MMP12: variants seen among roughly 807,000 people sequenced by gnomAD.
MMP12 encodes matrix metallopeptidase 12, also known as macrophage metalloelastase.
A neutral mutation model predicts 45.2 loss-of-function variants in MMP12; 51 were observed. The ratio of observed to expected loss-of-function variants is 1.13; its 90% CI spans 0.90 to 1.42. The LOEUF (loss-of-function observed/expected upper bound fraction) is 1.42. Ranked by LOEUF, MMP12 falls within the 40% of genes most tolerant of loss-of-function variation. MMP12 has a pLI of 0.00. For missense variants in MMP12, 530 were observed against 570.8 expected, an observed-to-expected ratio of 0.93 and a Z score of 0.73; for synonymous variants, 210 against 193.3, an observed-to-expected ratio of 1.09 and a Z score of -0.72.
chr11:102,867,447 A>T, intron 5 of MMP12, 54 bp from the exon 6 acceptor site: 1 of 1,508,264 alleles, frequency 6.6e-7, no homozygotes, highest in Non-Finnish European at 8.9e-7. Context: ...TGTAGTTCAG[A>T]GGAGGAACAG....
At chr11:102,873,929 T>C (rs2134425454) in intron 1 of MMP12, among the ~76,000 whole-genome samples, 1 of 149,838 alleles carries the variant, frequency 6.7e-6, no homozygotes, top group East Asian at 2.0e-4. Flanking sequence ...CTTGGGAAGA[T>C]GAGTCAGTAG....
At chr11:102,871,761 A>G (rs201469409) in intron 3 of MMP12, 42 bp from the exon 4 acceptor site, 19 of 1,613,292 alleles carry the variant, frequency 1.2e-5, no homozygotes, top group African/African-American at 2.7e-5. Flanking sequence ...TATACATCCT[A>G]TAGATCATGC....
At chr11:102,868,733 G>A (rs751637470) in intron 4 of MMP12, among the ~76,000 whole-genome samples, 1 of 152,092 alleles carries the variant, frequency 6.6e-6, no homozygotes, top group African/African-American at 2.4e-5. Flanking sequence ...TTAAGTGCTT[G>A]AGCCAAGATT....
chr11:102,867,200 C>T, intron 6 of MMP12, 70 bp downstream of exon 6: 1 of 1,352,198 alleles, frequency 7.4e-7, no homozygotes, highest in East Asian at 2.6e-5. Flanking sequence ...AATTATTTTC[C>T]ACTGTTTTCT....
Position 102,866,391 on chromosome 11 carries a change from G to C in MMP12, c.969C>G (p.Ser323=). ...TGCCAGATGGCAAGGTTGGCCATAAGGAAGAAATTAAATTAACACTGGTCT... is the reference window on the plus strand; with the variant it reads ...TGCCAGATGGCAAGGTTGGCCATAACGAAGAAATTAAATTAACACTGGTCT... ...RPKTSVNLIS[S]LWPTLPSGIE... Residue 323 remains serine, a synonymous_variant, in exon 7 of 10, where the codon TCC becomes TCG. Coordinates refer to ENST00000571244, the MANE Select transcript of MMP12 (RefSeq NM_002426.6). The C allele has an allele frequency of 6.2e-7, 1 of 1,608,226 alleles. No individual in the cohort carries two copies. Among genetic ancestry groups the C allele is most frequent in the Non-Finnish European group, 8.5e-7 (1 of 1,177,356 alleles).
At chr11:102,871,291 T>C (rs557553153) in intron 4 of MMP12, among the ~76,000 whole-genome samples, 4 of 152,260 alleles carry the variant, frequency 2.6e-5, no homozygotes, top group African/African-American at 9.6e-5. Context: ...CTTCTTAAGG[T>C]TCCTCTGAGC....
chr11:102,871,732 G>A lies in MMP12; in HGVS notation c.500-13C>T. ...AAGTCTCCATGAGCTTTTGGAAAAG[G>A]AAAGAAAATTAGTCCTTCTATACAT... On this transcript the variant is annotated splice_polypyrimidine_tract_variant and intron_variant, in intron 3 of 9. Coordinates refer to ENST00000571244, the MANE Select transcript of MMP12 (RefSeq NM_002426.6). The A allele has an allele frequency of 6.2e-7, 1 of 1,612,854 alleles. No individual in the cohort carries two copies. Among genetic ancestry groups the A allele is most frequent in the Non-Finnish European group, 8.5e-7 (1 of 1,179,438 alleles).
chr11:102,867,165 T>C (rs1859403736), intron 6 of MMP12, 105 bp downstream of exon 6: 1 of 1,085,120 alleles, frequency 9.2e-7, no homozygotes. Flanking sequence ...AGTTCCTGCT[T>C]ACAAGTTTCA....
chr11:102,874,859 T>G lies in MMP12; in HGVS notation c.79A>C (p.Lys27Gln). The G allele has an allele frequency of 1.2e-6, 2 of 1,605,430 alleles. No individual in the cohort carries two copies. Among genetic ancestry groups the G allele is most frequent in the Non-Finnish European group, 8.5e-7 (1 of 1,175,566 alleles). ...LPLNSSTSLE[K>Q]NNVLFGERYL... ...ACTTCACCAAATAGCACATTATTTT[T>G]TTCCAGGCTTGTAGAGCTGTTCAGG... The change falls in exon 1 of 10, where the codon AAA (lysine) becomes CAA (glutamine). Residue 27 changes from lysine to glutamine, a missense_variant. Lys to Gln is a moderately conservative substitution (Grantham distance 53). Transcript: ENST00000571244.
chr11:102,874,255 A>G (rs1859554884), intron 1 of MMP12, among the ~76,000 whole-genome samples: 1 of 152,102 alleles, frequency 6.6e-6, no homozygotes, highest in Admixed American at 6.5e-5. Context: ...AAAGAATGCT[A>G]TAAAGATGGG....
chr11:102,868,100 G>A, intron 4 of MMP12, 31 bp from the exon 5 acceptor site: 1 of 1,535,312 alleles, frequency 6.5e-7, no homozygotes, highest in Non-Finnish European at 8.9e-7. Context: ...AGACAGCTGT[G>A]AAATGCATTA....
At chr11:102,866,180 C>A in intron 7 of MMP12, 135 bp downstream of exon 7, 1 of 992,316 alleles carries the variant, frequency 1.0e-6, no homozygotes, top group Non-Finnish European at 1.4e-6. Flanking sequence ...TTTTAGTTTA[C>A]ACTTCAGAGC....
intron 4 of MMP12, among the ~76,000 whole-genome samples, chr11:102,870,401 T>C (rs1177339207): frequency 6.6e-6 from 1 of 152,214 alleles, no homozygotes; most frequent in African/African-American, 2.4e-5. Flanking sequence ...TTATAAGCCT[T>C]AGGCTATGTG....
At chr11:102,866,860 A>C (rs1186554693) in intron 6 of MMP12, among the ~76,000 whole-genome samples, 1 of 152,204 alleles carries the variant, frequency 6.6e-6, no homozygotes, top group African/African-American at 2.4e-5. Flanking sequence ...CATCTGCTTC[A>C]GTCTGTGTTC....
At position 102,866,232 on chromosome 11, in the gene MMP12, A is replaced by G. The variant is rs370020234; in HGVS notation, c.1045+83T>C. On this transcript the variant is annotated intron_variant, in intron 7 of 9. Transcript: ENST00000571244. ...AATCAAGAGTGCTTTCTTGGTCTATATCTATTAAAAAGTAGTAGTCTCTTC... is the reference window on the plus strand; with the variant it reads ...AATCAAGAGTGCTTTCTTGGTCTATGTCTATTAAAAAGTAGTAGTCTCTTC... 640 of 1,333,790 alleles carry G rather than the reference A, an allele frequency of 4.8e-4. 3 individuals are homozygous for G. The African/African-American group carries it at 8.8e-3, about 18-fold the overall frequency. The allele number at this position is 1,333,790 out of a possible 1,614,324, so 82.6% of individuals were successfully genotyped here. A position where few individuals can be genotyped will look rare whatever the true frequency, so the allele number is the denominator to read the frequency against.
Position 102,871,856 on chromosome 11 carries a change from G to C in MMP12, c.447C>G (p.Phe149Leu). 6.2e-7 allele frequency: 1 copy of C among 1,613,634 alleles called. No homozygotes were observed. The highest frequency in any genetic ancestry group is 8.5e-7 in the Non-Finnish European group (1 of 1,179,784). ...CAGCCATGCCTGTGTTAATCTTGCT[G>C]AATTTCAAGGGGGTAACATTACTCC... ...QVWSNVTPLK[F>L]SKINTGMADI... is the part of the protein sequence containing the mutation. Residue 149 changes from phenylalanine to leucine, a missense_variant, in exon 3 of 10, where the codon TTC becomes TTG. Phe to Leu is a conservative substitution (Grantham distance 22, BLOSUM62 0). Transcript: ENST00000571244.
Position 102,865,973 on chromosome 11 carries a change from C to T in MMP12, c.1046-38G>A, listed in dbSNP as rs1555008476. ...AGAAATAGGGTAAATTTGAATTATA[C>T]AGGAAGAGTAATAAGAAAATATTGA... On this transcript the variant is annotated intron_variant, in intron 7 of 9. Transcript: ENST00000571244. This position sits in a 1 kb window ranked among gnomAD's most constrained non-coding sequence, Gnocchi z 4.1. 1.4e-6 allele frequency: 2 copies of T among 1,465,208 alleles called. No individual in the cohort carries two copies. The highest frequency in any genetic ancestry group is 1.4e-5 in the African/African-American group (1 of 70,646). 90.8% of individuals were successfully genotyped at this position (1,465,208 alleles called of 1,614,324 possible).
At chr11:102,867,878 T>C (rs1555008801) in intron 5 of MMP12, 30 bp downstream of exon 5, 3 of 1,589,212 alleles carry the variant, frequency 1.9e-6, no homozygotes, top group Non-Finnish European at 1.7e-6. Flanking sequence ...AGTATCTTTA[T>C]ATGGCAAAAT....
chr11:102,870,892 C>T (rs931089402), intron 4 of MMP12, among the ~76,000 whole-genome samples: 5 of 152,196 alleles, frequency 3.3e-5, no homozygotes, highest in Non-Finnish European at 5.9e-5. Flanking sequence ...ATGAATCATA[C>T]AGATGACCAT....
Sources: allele counts gnomAD v4.1 joint callset (sites outside exome capture counted in the v4.1 genomes callset), GRCh38; gene constraint gnomAD v4.1.1; non-coding constraint Gnocchi (gnomAD v3.1); transcripts MANE v1.5; gene names NCBI Gene and HGNC (gene_info 2026-07-23, HGNC 2026-07-21).